TTC34: variants seen among roughly 807,000 people sequenced by gnomAD.
The protein encoded by TTC34 is tetratricopeptide repeat domain 34, also known as tetratricopeptide repeat protein 34.
In TTC34, 44 loss-of-function variants were observed where a neutral mutation model predicts 40.7. The ratio of observed to expected loss-of-function variants is 1.08; its 90% CI spans 0.85 to 1.39. The LOEUF is 1.39. Among genes scored for constraint, TTC34 ranks in the 40% most tolerant of loss-of-function variants. The pLI is 0.00. For synonymous variants in TTC34, 422 were observed against 398.6 expected, an observed-to-expected ratio of 1.06 and a Z score of -0.70; for missense variants, 884 against 838.0, an observed-to-expected ratio of 1.05 and a Z score of -0.68.
At chr1:2,694,252 TGGAGCAGCACCCCACACCCCCA>T in intron 6 of TTC34, among the ~76,000 whole-genome samples, 1 of 127,048 alleles carries the variant, frequency 7.9e-6, no homozygotes, top group Non-Finnish European at 1.6e-5. Context: ...TCTGACAGCC[TGGAGCAGCACCCCACACCCCCA>T]GGTGAGCATC....
At chr1:2,658,163 A>AC in intron 6 of TTC34, among the ~76,000 whole-genome samples, 1 of 115,692 alleles carries the variant, frequency 8.6e-6, no homozygotes, top group South Asian at 2.4e-4. Context: ...AGCATCTGAC[A>AC]ACCTGGAGCA....
rs988201011 is a variant in TTC34, at chr1:2,800,714, G to A, written c.114C>T (p.His38=). ...GCACACTCTGCAGGGCTGAGGGGGCGTGGCAGCTGAATGCAGCCAGGTAGA... is the reference window on the plus strand; with the variant it reads ...GCACACTCTGCAGGGCTGAGGGGGCATGGCAGCTGAATGCAGCCAGGTAGA... The change falls in exon 2 of 9, where the codon CAC becomes CAT. Residue 38 remains histidine, a synonymous_variant. Coordinates refer to ENST00000401095, the Ensembl canonical transcript of TTC34. 18 of 398,494 alleles carry A rather than the reference G, an allele frequency of 4.5e-5. No homozygotes were observed. In the South Asian group the frequency reaches 5.1e-4, roughly 11 times the overall value. 24.7% of individuals were successfully genotyped at this position (398,494 alleles called of 1,614,324 possible).
At chr1:2,641,507 C>T (rs1290396327) in exon 9 of TTC34, 1 of 1,535,596 alleles carries the variant, frequency 6.5e-7, no homozygotes, top group South Asian at 1.2e-5. Flanking sequence ...CTCCAGGCAG[C>T]ACTGCCCGCG....
intron 6 of TTC34, among the ~76,000 whole-genome samples, chr1:2,752,407 A>G (rs1225103505): frequency 7.7e-6 from 1 of 130,010 alleles, no homozygotes; most frequent in Non-Finnish European, 1.6e-5. Flanking sequence ...AACAGCACCC[A>G]CACACCCAGG....
intron 6 of TTC34, among the ~76,000 whole-genome samples, chr1:2,683,277 G>T (rs1640159684): frequency 6.6e-6 from 1 of 151,698 alleles, no homozygotes; most frequent in Non-Finnish European, 1.5e-5. Context: ...ACACCCACAG[G>T]TGAGCATCTG....
chr1:2,686,626 G>A (rs112115757), intron 6 of TTC34, among the ~76,000 whole-genome samples: 3 of 64,280 alleles, frequency 4.7e-5, no homozygotes, highest in South Asian at 4.1e-4. Context: ...CTGACAGCAT[G>A]TAACAGCACC....
At chr1:2,683,822 C>G (rs1358591951) in intron 6 of TTC34, among the ~76,000 whole-genome samples, 4 of 148,520 alleles carry the variant, frequency 2.7e-5, no homozygotes, top group African/African-American at 5.0e-5. Flanking sequence ...CAGCCGGGAA[C>G]AGCACCCACA....
chr1:2,685,922 C>T (rs576267294), intron 6 of TTC34, among the ~76,000 whole-genome samples: 8 of 146,302 alleles, frequency 5.5e-5, no homozygotes, highest in Middle Eastern at 3.6e-3. Context: ...ACGCACACCC[C>T]CAGGTGAGCA....
At chr1:2,687,594 A>G (rs1382928444) in intron 6 of TTC34, among the ~76,000 whole-genome samples, 6 of 136,738 alleles carry the variant, frequency 4.4e-5, no homozygotes, top group African/African-American at 1.8e-4. Context: ...ACAGCCTGGA[A>G]CAGCACCCAC....
At chr1:2,658,660 CT>C (rs1208639187) in intron 6 of TTC34, among the ~76,000 whole-genome samples, 1 of 83,906 alleles carries the variant, frequency 1.2e-5, no homozygotes, top group Non-Finnish European at 3.2e-5. Flanking sequence ...GAACAGCACC[CT>C]GCACCCCCAG....
intron 6 of TTC34, among the ~76,000 whole-genome samples, chr1:2,681,529 T>C: frequency 8.6e-6 from 1 of 116,334 alleles, no homozygotes; most frequent in East Asian, 2.4e-4. Context: ...TCTGACCGCA[T>C]CGCATGGCAT....
At chr1:2,787,274 G>C (rs1326302277) in intron 4 of TTC34, among the ~76,000 whole-genome samples, 1 of 152,212 alleles carries the variant, frequency 6.6e-6, no homozygotes, top group Non-Finnish European at 1.5e-5. Context: ...CGATTTCCAT[G>C]ACAACCCATG....
intron 8 of TTC34, among the ~76,000 whole-genome samples, chr1:2,642,174 C>T (rs1172800764): frequency 1.3e-5 from 2 of 152,222 alleles, no homozygotes; most frequent in East Asian, 3.8e-4. Flanking sequence ...CAAGGCCTGG[C>T]ATCCTTGCCC....
intron 6 of TTC34, among the ~76,000 whole-genome samples, chr1:2,694,191 C>CAGGGGAGCATCTGACAA (rs1640756560): frequency 7.0e-6 from 1 of 142,088 alleles, no homozygotes; most frequent in Non-Finnish European, 1.6e-5. Context: ...ACCCACACCC[C>CAGGGGAGCATCTGACAA]CAGGTGAGCA....
rs145449455 is a variant in TTC34, at chr1:2,786,193, C to T, written c.1855-170G>A. ...TGCCCCACGGCTCACCCAGTTCCAA[C>T]GCCCCTGGCAATTCCTCACCCCACC... is the stretch of plus-strand genomic sequence containing the variant. On this transcript the variant is annotated intron_variant, in intron 4 of 8. Coordinates refer to ENST00000401095, the Ensembl canonical transcript of TTC34. 4.6e-3 allele frequency among the ~76,000 whole-genome samples: 702 copies of T among 152,160 alleles called. 7 individuals carry two copies. The highest frequency in any genetic ancestry group is 7.4e-3 in the Non-Finnish European group (504 of 67,960).
exon 9 of TTC34, chr1:2,637,350 G>C (rs529583930): frequency 6.6e-6 from 1 of 152,290 alleles, no homozygotes; most frequent in East Asian, 1.9e-4. Flanking sequence ...GCTTTAAACT[G>C]TCTTTGGCTC....
exon 3 of TTC34, chr1:2,790,172 T>A: frequency 2.5e-6 from 1 of 398,380 alleles, no homozygotes; most frequent in Non-Finnish European, 4.4e-6. Flanking sequence ...CTCCTGCGCC[T>A]GAGCCCGGAC....
intron 6 of TTC34, among the ~76,000 whole-genome samples, chr1:2,777,690 G>GGC (rs935776778): frequency 3.6e-5 from 4 of 110,588 alleles, no homozygotes; most frequent in South Asian, 2.6e-4. Context: ...AGAGGGCATG[G>GGC]GGGGGGGGGC....
chr1:2,688,466 G>C (rs1289004521), intron 6 of TTC34, among the ~76,000 whole-genome samples: 1 of 138,156 alleles, frequency 7.2e-6, no homozygotes, highest in African/African-American at 3.1e-5. Flanking sequence ...GTGAACATCC[G>C]ACATTGTGGA....
Sources: allele counts gnomAD v4.1 joint callset (sites outside exome capture counted in the v4.1 genomes callset), GRCh38; gene constraint gnomAD v4.1.1; transcripts MANE v1.5; gene names NCBI Gene and HGNC (gene_info 2026-07-23, HGNC 2026-07-21).